UBE2G1: variants seen among roughly 807,000 people sequenced by gnomAD.
UBE2G1 encodes the protein ubiquitin-conjugating enzyme E2 G1.
UBE2G1 carries 5 observed loss-of-function variants against 22.7 expected under a neutral mutation model. The ratio of observed to expected loss-of-function variants is 0.22; its 90% CI spans 0.12 to 0.46. The LOEUF is 0.46. Among genes scored for constraint, UBE2G1 ranks in the 20% least tolerant of loss-of-function variants. The pLI is 0.99. For synonymous variants in UBE2G1, 74 were observed against 67.5 expected (o/e 1.10, Z -0.47); for missense variants, 88 against 203.9 (o/e 0.43, Z 3.46).
chr17:4,301,585 G>C (rs1598186189), intron 2 of UBE2G1: 1 of 1,333,292 alleles, frequency 7.5e-7, no homozygotes, highest in Admixed American at 1.7e-5. Flanking sequence ...TGTTTCTTTG[G>C]TGGCTTTTTA....
At chr17:4,299,764 C>T (rs1207702773) in intron 2 of UBE2G1, among the ~76,000 whole-genome samples, 1 of 151,968 alleles carries the variant, frequency 6.6e-6, no homozygotes, top group Non-Finnish European at 1.5e-5. Context: ...TATCTGTGGA[C>T]CCCTCTTCTT....
intron 2 of UBE2G1, chr17:4,302,639 G>A (rs946438026): frequency 1.2e-5 from 4 of 331,656 alleles, no homozygotes; most frequent in Admixed American, 6.2e-5. Flanking sequence ...TCATGCCCAG[G>A]GTGAGAACCT....
chr17:4,272,299 G>A lies in UBE2G1; in HGVS notation c.*255C>T, dbSNP rs1219014834. On this transcript the variant is annotated 3_prime_UTR_variant, in exon 6 of 6. Coordinates refer to ENST00000396981, the MANE Select transcript of UBE2G1 (RefSeq NM_003342.5). ...CCGGATCATGTTGTGCTATGTACAGGTCTTTACAATTCTTCCTGAAGGTTA... is the reference window on the plus strand; with the variant it reads ...CCGGATCATGTTGTGCTATGTACAGATCTTTACAATTCTTCCTGAAGGTTA... 6.4e-6 allele frequency: 1 copy of A among 157,402 alleles called. No homozygotes were observed. Among genetic ancestry groups the A allele is most frequent in the East Asian group, 1.9e-4 (1 of 5,206 alleles). The allele number at this position is 157,402 out of a possible 1,614,324, so 9.8% of individuals were successfully genotyped here.
intron 1 of UBE2G1, among the ~76,000 whole-genome samples, chr17:4,343,965 G>A (rs1310953133): frequency 1.3e-5 from 2 of 152,068 alleles, no homozygotes; most frequent in Non-Finnish European, 2.9e-5. Flanking sequence ...AAACTCTGGA[G>A]ACTAAAGCTC....
At chr17:4,334,018 G>GTC (rs938763464) in intron 1 of UBE2G1, among the ~76,000 whole-genome samples, 3 of 151,702 alleles carry the variant, frequency 2.0e-5, no homozygotes, top group African/African-American at 7.3e-5. Context: ...CACATAGCAG[G>GTC]TCTTGAATTG....
At position 4,346,861 on chromosome 17, in the gene UBE2G1, T is replaced by C. The variant is rs1187002918; in HGVS notation, c.46+19410A>G. Among the ~76,000 whole-genome samples, 4 of 151,978 alleles carry C rather than the reference T, an allele frequency of 2.6e-5. No individual in the cohort carries two copies. In the East Asian group the frequency reaches 7.7e-4, roughly 29 times the overall value. ...ATTGTGTTATGTGCTAGTGATATAATGTAGCACAGGATCAGACGCGGTGGC... is the reference window on the plus strand; with the variant it reads ...ATTGTGTTATGTGCTAGTGATATAACGTAGCACAGGATCAGACGCGGTGGC... On this transcript the variant is annotated intron_variant, in intron 1 of 5. Transcript: ENST00000396981.
At chr17:4,348,547 C>T (rs1391069803) in intron 1 of UBE2G1, among the ~76,000 whole-genome samples, 5 of 130,562 alleles carry the variant, frequency 3.8e-5, no homozygotes, top group Admixed American at 8.0e-5. Context: ...AGCGAGACTC[C>T]GTCTCAAAAA....
At chr17:4,337,197 C>G (rs776901185) in intron 1 of UBE2G1, among the ~76,000 whole-genome samples, 1 of 151,798 alleles carries the variant, frequency 6.6e-6, no homozygotes, top group Admixed American at 6.6e-5. Flanking sequence ...AAAAGTTAGC[C>G]GGGCATCCTG....
intron 1 of UBE2G1, among the ~76,000 whole-genome samples, chr17:4,333,536 C>T (rs954880206): frequency 6.6e-6 from 1 of 151,878 alleles, no homozygotes; most frequent in South Asian, 2.1e-4. Flanking sequence ...ATTAGCTGGG[C>T]GCTGGCCAGG....
At chr17:4,285,909 C>T (rs747663204) in intron 4 of UBE2G1, among the ~76,000 whole-genome samples, 6 of 151,002 alleles carry the variant, frequency 4.0e-5, no homozygotes, top group Non-Finnish European at 8.8e-5. Flanking sequence ...TGAGATTGCA[C>T]CACTGCACTC....
At chr17:4,295,464 C>T (rs747057511) in intron 3 of UBE2G1, among the ~76,000 whole-genome samples, 3 of 152,200 alleles carry the variant, frequency 2.0e-5, no homozygotes, top group Non-Finnish European at 4.4e-5. Context: ...ATTACGTATT[C>T]CATATCCTTC....
chr17:4,322,390 C>G (rs932711498), intron 1 of UBE2G1, among the ~76,000 whole-genome samples: 4 of 152,244 alleles, frequency 2.6e-5, no homozygotes, highest in African/African-American at 9.6e-5. Context: ...ATGCCTTGAA[C>G]TCCTCCTCAA....
intron 1 of UBE2G1, among the ~76,000 whole-genome samples, chr17:4,319,060 GATAA>G (rs918465209): frequency 3.3e-5 from 5 of 152,050 alleles, no homozygotes; most frequent in South Asian, 2.1e-4. Context: ...CTAATGAAAA[GATAA>G]ATAGTTATTT....
intron 1 of UBE2G1, among the ~76,000 whole-genome samples, chr17:4,344,217 AAAGT>A (rs1251354456): frequency 6.6e-6 from 1 of 152,336 alleles, no homozygotes; most frequent in Non-Finnish European, 1.5e-5. Flanking sequence ...AGTGTTATAC[AAAGT>A]AAGTCTGTAC....
chr17:4,349,089 G>A (rs553124364), intron 1 of UBE2G1, among the ~76,000 whole-genome samples: 4 of 152,046 alleles, frequency 2.6e-5, no homozygotes, highest in African/African-American at 7.2e-5. Flanking sequence ...TTGGGAGGCC[G>A]AGGTGGGCAG....
At chr17:4,358,287 G>A (rs1275788199) in intron 1 of UBE2G1, among the ~76,000 whole-genome samples, 1 of 151,966 alleles carries the variant, frequency 6.6e-6, no homozygotes, top group African/African-American at 2.4e-5. Flanking sequence ...TTTTTAGGCA[G>A]GGCCTTGCTC....
rs1273904980 is a variant in UBE2G1 at position 4,270,755 on chromosome 17, TATA to T, written c.*1796_*1798del. 2 of 152,106 alleles carry T rather than the reference TATA, an allele frequency of 1.3e-5. No homozygotes were observed. The highest frequency in any genetic ancestry group is 2.1e-4 in the South Asian group (1 of 4,826). The allele number at this position is 152,106 out of a possible 1,614,324, so 9.4% of individuals were successfully genotyped here. A position where few individuals can be genotyped will look rare whatever the true frequency, so the allele number is the denominator to read the frequency against. ...AGTTTCTATAAGGTTTGTGGGTTTG[TATA>T]ATGTTTACAGGTTTTTATAACGCTT... is the stretch of plus-strand genomic sequence containing the variant. On this transcript the variant is annotated 3_prime_UTR_variant, in exon 6 of 6. Coordinates refer to ENST00000396981, the MANE Select transcript of UBE2G1 (RefSeq NM_003342.5).
chr17:4,349,325 A>C (rs1172860721), intron 1 of UBE2G1, among the ~76,000 whole-genome samples: 2 of 152,256 alleles, frequency 1.3e-5, no homozygotes, highest in African/African-American at 4.8e-5. Flanking sequence ...GTGACACCAT[A>C]TATGTTTTTC....
chr17:4,347,702 C>T (rs1016523880), intron 1 of UBE2G1, among the ~76,000 whole-genome samples: 1 of 152,088 alleles, frequency 6.6e-6, no homozygotes, highest in Non-Finnish European at 1.5e-5. Flanking sequence ...GTCTCAAACT[C>T]CTGACCTCAA....
Sources: allele counts gnomAD v4.1 joint callset (sites outside exome capture counted in the v4.1 genomes callset), GRCh38; gene constraint gnomAD v4.1.1; transcripts MANE v1.5; gene names NCBI Gene and HGNC (gene_info 2026-07-23, HGNC 2026-07-21).